Variants in SCN9A observed in about 807,000 individuals in gnomAD.
SCN9A encodes sodium voltage-gated channel alpha subunit 9.
In SCN9A, 131 loss-of-function variants were observed where a neutral mutation model predicts 187.0. That is an observed-to-expected ratio of 0.70 (90% CI 0.61 to 0.81). SCN9A has a LOEUF of 0.81. Among genes scored for constraint, SCN9A ranks in the 30% least tolerant of loss-of-function variants. The probability of loss-of-function intolerance (pLI) is 0.00; values close to 1 mark genes in which losing one functional copy is unlikely to be tolerated. For synonymous variants in SCN9A, 809 were observed against 808.6 expected, an observed-to-expected ratio of 1.00 and a Z score of -0.01; for missense variants, 2,252 against 2,396.6, an observed-to-expected ratio of 0.94 and a Z score of 1.26.
intron 24 of SCN9A, among the ~76,000 whole-genome samples, chr2:166,207,041 G>A (rs904789299): frequency 1.7e-4 from 26 of 152,102 alleles, no homozygotes; most frequent in Non-Finnish European, 3.7e-4. Flanking sequence ...CTTACAAAGG[G>A]GGGCTAGAAG....
chr2:166,244,222 T>A (rs1465336496), intron 18 of SCN9A, among the ~76,000 whole-genome samples: 1 of 152,040 alleles, frequency 6.6e-6, no homozygotes, highest in Non-Finnish European at 1.5e-5. Flanking sequence ...GAATTCTTAG[T>A]AATAATTAGC....
intron 9 of SCN9A, among the ~76,000 whole-genome samples, chr2:166,289,494 C>T (rs1697944312): frequency 6.6e-6 from 1 of 152,102 alleles, no homozygotes; most frequent in East Asian, 1.9e-4. Flanking sequence ...TCATCCATGT[C>T]CCTGCAAAGG....
At chr2:166,235,501 G>A (rs377331262) in intron 20 of SCN9A, among the ~76,000 whole-genome samples, 2 of 152,110 alleles carry the variant, frequency 1.3e-5, no homozygotes, top group East Asian at 3.9e-4. Flanking sequence ...AGAATCATCT[G>A]TAGGGCTTGT....
chr2:166,199,946 G>C (rs1194551899), intron 26 of SCN9A, 82 bp from the exon 27 acceptor site: 19 of 438,172 alleles, frequency 4.3e-5, no homozygotes, highest in Non-Finnish European at 7.4e-5. Flanking sequence ...AGTTTTATCT[G>C]TCAACTCATT....
rs199730214 is a variant in SCN9A, at chr2:166,242,541, G to A, written c.3588C>T (p.Ser1196=). 2.3e-5 allele frequency: 37 copies of A among 1,596,130 alleles called. No individual in the cohort carries two copies. The highest frequency in any genetic ancestry group is 2.9e-5 in the Non-Finnish European group (34 of 1,170,754). Residue 1196 remains serine (S), a synonymous_variant, in exon 19 of 27, where the codon AGC becomes AGT. Transcript: ENST00000642356. The stretch of plus-strand genomic sequence containing the variant: ...TGAGCAGGATCATGAGGACAATGAA[G>A]CTTTCAAACCAACTGTGTTCAACAA... ...YKIVEHSWFE[S]FIVLMILLSS... is the part of the protein sequence containing the mutation.
intron 26 of SCN9A, among the ~76,000 whole-genome samples, chr2:166,201,430 A>C (rs920991493): frequency 1.5e-5 from 2 of 136,054 alleles, no homozygotes; most frequent in South Asian, 2.3e-4. Context: ...TGCATATACT[A>C]TATATAGTAT....
intron 16 of SCN9A, among the ~76,000 whole-genome samples, chr2:166,275,824 T>A (rs73969646): frequency 0.014 from 2,091 of 152,292 alleles, 47 homozygotes; most frequent in African/African-American, 0.047. Context: ...ATAAATGCCT[T>A]TGTGTATGTC....
chr2:166,335,850 C>T (rs557871766), intron 1 of SCN9A, among the ~76,000 whole-genome samples: 1 of 152,094 alleles, frequency 6.6e-6, no homozygotes, highest in South Asian at 2.1e-4. Context: ...GCTTAAAGAC[C>T]ATTCTTTTCC....
chr2:166,339,941 A>C (rs757324658), intron 1 of SCN9A, among the ~76,000 whole-genome samples: 3 of 152,156 alleles, frequency 2.0e-5, no homozygotes, highest in Non-Finnish European at 2.9e-5. Flanking sequence ...TCTTGTATGA[A>C]CCTGAGTAAA....
At chr2:166,328,540 G>A (rs984252582) in intron 1 of SCN9A, among the ~76,000 whole-genome samples, 2 of 152,072 alleles carry the variant, frequency 1.3e-5, no homozygotes, top group African/African-American at 2.4e-5. Flanking sequence ...AAAGATGAAC[G>A]TAAAATGTTT....
chr2:166,322,924 AT>A (rs929161658), intron 1 of SCN9A, among the ~76,000 whole-genome samples: 1 of 152,102 alleles, frequency 6.6e-6, no homozygotes, highest in African/African-American at 2.4e-5. Context: ...GACATTATTT[AT>A]TTTGTAAAAT....
At chr2:166,298,368 G>C (rs1698410409) in intron 7 of SCN9A, among the ~76,000 whole-genome samples, 1 of 152,170 alleles carries the variant, frequency 6.6e-6, no homozygotes, top group Non-Finnish European at 1.5e-5. Flanking sequence ...CTGTGCACAT[G>C]AACCCCACTT....
intron 1 of SCN9A, among the ~76,000 whole-genome samples, chr2:166,353,719 T>C (rs1700092479): frequency 6.6e-6 from 1 of 152,128 alleles, no homozygotes; most frequent in Non-Finnish European, 1.5e-5. Context: ...TTCATCAGCT[T>C]CTCTTTCTCC....
intron 17 of SCN9A, among the ~76,000 whole-genome samples, chr2:166,269,521 C>T (rs116789929): frequency 0.017 from 2,528 of 152,140 alleles, 34 homozygotes; most frequent in Non-Finnish European, 0.021. Context: ...CTTGACATGG[C>T]TCTGCCTTTA....
chr2:166,302,900 G>C (rs1212503451), intron 7 of SCN9A, 190 bp downstream of exon 7: 3 of 530,504 alleles, frequency 5.7e-6, no homozygotes, highest in Non-Finnish European at 9.9e-6. Flanking sequence ...TGCCAGTACT[G>C]CTAGATAGCT....
intron 18 of SCN9A, among the ~76,000 whole-genome samples, chr2:166,246,680 AGAAAATT>A (rs1695805256): frequency 6.6e-6 from 1 of 152,122 alleles, no homozygotes; most frequent in Non-Finnish European, 1.5e-5. Flanking sequence ...TTATTGGATA[AGAAAATT>A]ATCCCTTTGG....
intron 26 of SCN9A, among the ~76,000 whole-genome samples, chr2:166,201,293 C>A (rs922133275): frequency 5.4e-5 from 8 of 146,834 alleles, no homozygotes; most frequent in Non-Finnish European, 1.0e-4. Context: ...TATACATATA[C>A]ATATACTAAG....
intron 18 of SCN9A, among the ~76,000 whole-genome samples, chr2:166,248,824 G>A (rs575223419): frequency 6.6e-6 from 1 of 152,006 alleles, no homozygotes; most frequent in Non-Finnish European, 1.5e-5. Flanking sequence ...GTATCACCAA[G>A]ATCAATTAAT....
chr2:166,319,656 T>C (rs1699190754), intron 1 of SCN9A, among the ~76,000 whole-genome samples: 1 of 152,144 alleles, frequency 6.6e-6, no homozygotes, highest in African/African-American at 2.4e-5. Context: ...TGTTAAATTG[T>C]ATCAGTTAAT....
Sources: gnomAD v4.1 joint callset for allele counts (sites outside exome capture counted in the v4.1 genomes callset) on GRCh38, gnomAD v4.1.1 for gene constraint, MANE v1.5 for transcripts, NCBI Gene and HGNC (gene_info 2026-07-23, HGNC 2026-07-21) for gene names.